PSMA6: variants seen among roughly 807,000 people sequenced by gnomAD.
PSMA6 encodes the protein proteasome 20S subunit alpha 6.
For missense variants in PSMA6, 170 were observed against 294.8 expected (o/e 0.58, Z 3.10); for synonymous variants, 88 against 97.7 (o/e 0.90, Z 0.59).
At position 35,308,918 on chromosome 14, in the gene PSMA6, A is replaced by T. The variant is rs1268551368; in HGVS notation, c.176A>T (p.Lys59Ile). The change falls in exon 3 of 7, where the codon AAA becomes ATA. Residue 59 changes from lysine to isoleucine, a missense_variant. Physicochemically the swap from Lys to Ile is moderately radical, Grantham distance 102. Transcript: ENST00000261479. ...VIVTQKKVPDKLLDSSTVTHL... is the reference protein window; with the variant it reads ...VIVTQKKVPDILLDSSTVTHL... ...TTTGTTTATTTTGTTTATTAGGACAAATTATTGGATTCCAGCACAGTGACT... is the reference window on the plus strand; with the variant it reads ...TTTGTTTATTTTGTTTATTAGGACATATTATTGGATTCCAGCACAGTGACT... The T allele has an allele frequency of 3.1e-6, 5 of 1,600,592 alleles. No individual in the cohort carries two copies. Among genetic ancestry groups the T allele is most frequent in the Non-Finnish European group, 4.3e-6 (5 of 1,171,098 alleles).
chr14:35,299,521 T>C (rs2051669727), intron 1 of PSMA6, among the ~76,000 whole-genome samples: 1 of 150,996 alleles, frequency 6.6e-6, no homozygotes, highest in Admixed American at 6.6e-5. Flanking sequence ...AGTGTTTCAC[T>C]ATGTTGGTTA....
rs147778642 is a variant in PSMA6, at chr14:35,313,400, G to A, written c.588+341G>A. The stretch of plus-strand genomic sequence containing the variant: ...GACTGCTTGAGTCTAGGTGTTCGAG[G>A]CCAGTCCTATTTACTGCCAAGAAAT... On this transcript the variant is annotated intron_variant, in intron 5 of 6. Transcript: ENST00000261479. 839 of 185,474 alleles carry A rather than the reference G, an allele frequency of 4.5e-3. 2 individuals are homozygous for A. The highest frequency in any genetic ancestry group is 6.8e-3 in the Non-Finnish European group (619 of 90,960). 11.5% of individuals were successfully genotyped at this position (185,474 alleles called of 1,614,324 possible).
At chr14:35,281,841 G>C (rs1020305651) in intron 1 of PSMA6, among the ~76,000 whole-genome samples, 47 of 152,166 alleles carry the variant, frequency 3.1e-4, no homozygotes, top group African/African-American at 1.0e-3. Flanking sequence ...CTCTTGCCTT[G>C]GCCTCTCAAG....
Position 35,310,882 on chromosome 14 carries a change from G to A in PSMA6, c.396G>A (p.Arg132=), listed in dbSNP as rs1344174865. Residue 132 remains arginine (R), a synonymous_variant, in exon 4 of 7, where the codon AGG becomes AGA. Transcript: ENST00000261479. ...TCTACACACAGAATGCTGAAATGAGGCCTCTTGGTTGTTGTAAGTATGCTA... is the reference window on the plus strand; with the variant it reads ...TCTACACACAGAATGCTGAAATGAGACCTCTTGGTTGTTGTAAGTATGCTA... ...SQVYTQNAEM[R]PLGCCMILIG... is the part of the protein sequence containing the mutation. 1.2e-6 allele frequency: 2 copies of A among 1,613,726 alleles called. No individual in the cohort carries two copies. Among genetic ancestry groups the A allele is most frequent in the East Asian group, 2.2e-5 (1 of 44,878 alleles).
intron 1 of PSMA6, chr14:35,293,284 T>C: frequency 6.9e-6 from 2 of 291,200 alleles, no homozygotes; most frequent in South Asian, 5.9e-5. Flanking sequence ...TGAGGTACTG[T>C]GTACTAGTTT....
chr14:35,314,275 G>A (rs559009385), intron 5 of PSMA6, 86 bp from the exon 6 acceptor site: 81 of 1,338,046 alleles, frequency 6.1e-5, no homozygotes, highest in Admixed American at 3.2e-4. Flanking sequence ...GCTCCTGATT[G>A]ACTCATGATT....
At chr14:35,314,525 TGTG>T (rs2052003468) in intron 6 of PSMA6, 70 bp downstream of exon 6, 6 of 1,441,642 alleles carry the variant, frequency 4.2e-6, no homozygotes, top group Non-Finnish European at 5.5e-6. Context: ...TCCTATAACT[TGTG>T]GGGGAAATCT....
At chr14:35,300,136 G>A (rs1401606979) in intron 1 of PSMA6, among the ~76,000 whole-genome samples, 1 of 152,092 alleles carries the variant, frequency 6.6e-6, no homozygotes, top group Non-Finnish European at 1.5e-5. Context: ...TTTAAGAATG[G>A]CGAGGTAATT....
chr14:35,313,685 A>G (rs1246174143), intron 5 of PSMA6: 1 of 152,236 alleles, frequency 6.6e-6, no homozygotes, highest in Non-Finnish European at 1.5e-5. Context: ...CGGTAAAAAA[A>G]CACTTAAGGT....
chr14:35,303,405 G>A (rs575853556), intron 1 of PSMA6, among the ~76,000 whole-genome samples: 22 of 152,236 alleles, frequency 1.4e-4, no homozygotes, highest in African/African-American at 5.3e-4. Flanking sequence ...TTTTCTGGCA[G>A]CTATTGTTAC....
intron 1 of PSMA6, among the ~76,000 whole-genome samples, chr14:35,286,536 A>G (rs943830275): frequency 3.3e-5 from 5 of 152,240 alleles, no homozygotes; most frequent in African/African-American, 1.2e-4. Flanking sequence ...AAAAACAAGA[A>G]ATATCAAAAG....
intron 1 of PSMA6, among the ~76,000 whole-genome samples, chr14:35,294,449 G>A (rs1037234505): frequency 6.6e-6 from 1 of 152,238 alleles, no homozygotes; most frequent in Non-Finnish European, 1.5e-5. Context: ...AAGCAGTATA[G>A]TGAAGAGTTC....
rs187297102 is a variant in PSMA6 at position 35,316,766 on chromosome 14, T to C, written c.684-483T>C. ...CTGTAGTCCCAGCTACTCAGGAGGC[T>C]GAGGCAGAAGAATCGTTTGAACCTG... On this transcript the variant is annotated intron_variant, in intron 6 of 6. Coordinates refer to ENST00000261479, the MANE Select transcript of PSMA6 (RefSeq NM_002791.3). 4.5e-4 allele frequency: 69 copies of C among 155,004 alleles called. No individual in the cohort carries two copies. The East Asian group carries it at 0.013, about 30-fold the overall frequency. The allele number at this position is 155,004 out of a possible 1,614,324, so 9.6% of individuals were successfully genotyped here. A position where few individuals can be genotyped will look rare whatever the true frequency, so the allele number is the denominator to read the frequency against.
chr14:35,278,600 G>A (rs865983424), upstream of PSMA6: 84 of 1,280,730 alleles, frequency 6.6e-5, 3 homozygotes, highest in Middle Eastern at 0.01. Context: ...ATTCCCTGAC[G>A]ATTCCATCCA....
At chr14:35,286,630 T>C (rs996780883) in intron 1 of PSMA6, among the ~76,000 whole-genome samples, 20 of 151,764 alleles carry the variant, frequency 1.3e-4, no homozygotes, top group Non-Finnish European at 2.5e-4. Flanking sequence ...TATAGAGGGG[T>C]TCATGTATAG....
intron 1 of PSMA6, among the ~76,000 whole-genome samples, chr14:35,283,133 C>T (rs1017348366): frequency 3.3e-5 from 5 of 152,072 alleles, no homozygotes; most frequent in Middle Eastern, 3.4e-3. Context: ...CGTGAGCCAC[C>T]GTGCCCCACC....
intron 1 of PSMA6, among the ~76,000 whole-genome samples, chr14:35,296,760 A>T (rs983026324): frequency 6.6e-6 from 1 of 152,146 alleles, no homozygotes; most frequent in African/African-American, 2.4e-5. Context: ...AAATATTCTT[A>T]TTTCAAAGCA....
intron 1 of PSMA6, among the ~76,000 whole-genome samples, chr14:35,304,821 G>A (rs1437710664): frequency 2.0e-5 from 3 of 151,970 alleles, no homozygotes; most frequent in African/African-American, 7.3e-5. Context: ...GCTCATACCT[G>A]CTGTAATCCC....
intron 2 of PSMA6, chr14:35,308,332 A>G: frequency 6.3e-6 from 2 of 319,008 alleles, no homozygotes; most frequent in East Asian, 1.5e-4. Context: ...GAGGCAGGAG[A>G]ATCACTTGAA....
Sources: allele counts gnomAD v4.1 joint callset (sites outside exome capture counted in the v4.1 genomes callset), GRCh38; gene constraint gnomAD v4.1.1; transcripts MANE v1.5; gene names NCBI Gene and HGNC (gene_info 2026-07-23, HGNC 2026-07-21).